The following TAOK3 variants were observed in gnomAD, a reference collection of about 807,000 sequenced individuals.
TAOK3 encodes serine/threonine-protein kinase TAO3.
Under a neutral mutation model 120.4 loss-of-function variants are expected in TAOK3, and 40 were observed. The ratio of observed to expected loss-of-function variants is 0.33; its 90% CI spans 0.26 to 0.43. The LOEUF (loss-of-function observed/expected upper bound fraction) is 0.43. Ranked by LOEUF, TAOK3 falls within the 20% of genes least tolerant of loss-of-function variation. TAOK3 has a pLI of 1.00. For synonymous variants in TAOK3, 355 were observed against 387.5 expected, an observed-to-expected ratio of 0.92 and a Z score of 0.99; for missense variants, 821 against 1,112.1, an observed-to-expected ratio of 0.74 and a Z score of 3.72.
At chr12:118,212,475 A>G (rs188387620) in intron 11 of TAOK3, among the ~76,000 whole-genome samples, 4 of 152,346 alleles carry the variant, frequency 2.6e-5, no homozygotes, top group Non-Finnish European at 5.9e-5. Flanking sequence ...TGTCTACTCT[A>G]TATAGTTATC....
At position 118,150,003 on chromosome 12, in the gene TAOK3, G is replaced by A. The variant is rs1450013314; in HGVS notation, c.*994C>T. On this transcript the variant is annotated 3_prime_UTR_variant, in exon 21 of 21. Transcript: ENST00000392533. ...TGCAATATTTATGACCAAGAAATGGGACTTAGGAAGGGGAAGGGAGATAAA... is the reference window on the plus strand; with the variant it reads ...TGCAATATTTATGACCAAGAAATGGAACTTAGGAAGGGGAAGGGAGATAAA... 1 of 152,066 alleles carries A rather than the reference G, an allele frequency of 6.6e-6. No individual in the cohort carries two copies. The highest frequency in any genetic ancestry group is 6.6e-5 in the Admixed American group (1 of 15,242). The allele number at this position is 152,066 out of a possible 1,614,324, so 9.4% of individuals were successfully genotyped here. A position where few individuals can be genotyped will look rare whatever the true frequency, so the allele number is the denominator to read the frequency against.
intron 1 of TAOK3, among the ~76,000 whole-genome samples, chr12:118,276,728 G>A (rs2041916850): frequency 6.7e-6 from 1 of 149,676 alleles, no homozygotes; most frequent in Non-Finnish European, 1.5e-5. Flanking sequence ...TAATAGGCTG[G>A]GTGCAGTGGC....
intron 2 of TAOK3, among the ~76,000 whole-genome samples, chr12:118,263,871 G>T (rs2041333635): frequency 6.6e-6 from 1 of 152,174 alleles, no homozygotes; most frequent in Non-Finnish European, 1.5e-5. Flanking sequence ...TTCAAGACCA[G>T]CCTGGCCAAC....
At chr12:118,298,889 T>C (rs1387519405) in intron 1 of TAOK3, among the ~76,000 whole-genome samples, 5 of 152,252 alleles carry the variant, frequency 3.3e-5, no homozygotes, top group Non-Finnish European at 4.4e-5. Flanking sequence ...GATCACCTTA[T>C]ATTCAGGCAG....
At chr12:118,311,161 A>G (rs1260009649) in intron 1 of TAOK3, among the ~76,000 whole-genome samples, 3 of 152,218 alleles carry the variant, frequency 2.0e-5, no homozygotes, top group Non-Finnish European at 4.4e-5. Context: ...ATAAAGGCAC[A>G]AAGAATTCAC....
At chr12:118,206,140 G>C (rs2038296593) in intron 11 of TAOK3, among the ~76,000 whole-genome samples, 1 of 152,128 alleles carries the variant, frequency 6.6e-6, no homozygotes, top group Non-Finnish European at 1.5e-5. Context: ...TTCCTGCCTG[G>C]AATGAAAACT....
chr12:118,293,122 G>A (rs1287647955), intron 1 of TAOK3, among the ~76,000 whole-genome samples: 1 of 152,172 alleles, frequency 6.6e-6, no homozygotes, highest in Non-Finnish European at 1.5e-5. Flanking sequence ...TTCTCTCACA[G>A]GAACTGGAGA....
intron 9 of TAOK3, among the ~76,000 whole-genome samples, chr12:118,215,453 A>G (rs1179129328): frequency 6.6e-6 from 1 of 151,812 alleles, no homozygotes; most frequent in Non-Finnish European, 1.5e-5. Context: ...CAGAGCTTGC[A>G]GTAAGCCAAG....
intron 9 of TAOK3, among the ~76,000 whole-genome samples, chr12:118,220,072 AT>A (rs1176846033): frequency 4.0e-5 from 6 of 148,368 alleles, no homozygotes; most frequent in African/African-American, 7.5e-5. Context: ...TGCTTGGCTA[AT>A]TTTTTTAAGG....
intron 19 of TAOK3, among the ~76,000 whole-genome samples, chr12:118,157,095 T>C (rs1366079978): frequency 1.3e-5 from 2 of 152,080 alleles, no homozygotes; most frequent in African/African-American, 4.8e-5. Flanking sequence ...AACACTGGAC[T>C]CTCCACATCC....
At chr12:118,290,796 T>C (rs1311500584) in intron 1 of TAOK3, among the ~76,000 whole-genome samples, 1 of 151,868 alleles carries the variant, frequency 6.6e-6, no homozygotes, top group African/African-American at 2.4e-5. Flanking sequence ...ATCCTATTTA[T>C]ATCGCCACTA....
intron 4 of TAOK3, among the ~76,000 whole-genome samples, chr12:118,243,838 A>C (rs961051376): frequency 6.6e-6 from 1 of 151,928 alleles, no homozygotes; most frequent in Admixed American, 6.6e-5. Context: ...CACCAGACCA[A>C]ACTAATTTTT....
chr12:118,348,567 C>T (rs574860410), intron 1 of TAOK3, among the ~76,000 whole-genome samples: 2 of 151,958 alleles, frequency 1.3e-5, no homozygotes, highest in African/African-American at 4.8e-5. Flanking sequence ...TCTCCTGCCT[C>T]AACTACCCGA....
chr12:118,189,582 G>GC (rs2037306878), intron 14 of TAOK3, among the ~76,000 whole-genome samples: 3 of 140,636 alleles, frequency 2.1e-5, no homozygotes, highest in African/African-American at 8.0e-5. Flanking sequence ...ACACACAAAG[G>GC]TTTTTTTTTT....
At chr12:118,264,913 A>C (rs975376339) in intron 2 of TAOK3, among the ~76,000 whole-genome samples, 1 of 151,602 alleles carries the variant, frequency 6.6e-6, no homozygotes, top group Non-Finnish European at 1.5e-5. Flanking sequence ...GCATGCCTGT[A>C]ATCCCAGCTA....
At chr12:118,197,847 C>A (rs1294506968) in intron 13 of TAOK3, among the ~76,000 whole-genome samples, 1 of 151,930 alleles carries the variant, frequency 6.6e-6, no homozygotes, top group African/African-American at 2.4e-5. Context: ...ACCACCACAC[C>A]CGGCTAATTT....
intron 1 of TAOK3, among the ~76,000 whole-genome samples, chr12:118,337,917 G>A (rs934767223): frequency 9.2e-5 from 14 of 152,132 alleles, no homozygotes; most frequent in Non-Finnish European, 1.6e-4. Context: ...ATCTGAACAA[G>A]GATGGGGAAC....
At chr12:118,300,540 G>T (rs2042839780) in intron 1 of TAOK3, among the ~76,000 whole-genome samples, 1 of 152,018 alleles carries the variant, frequency 6.6e-6, no homozygotes, top group African/African-American at 2.4e-5. Flanking sequence ...TGAACTCAGG[G>T]CAAGTTTTCT....
chr12:118,319,483 C>G (rs2043611120), intron 1 of TAOK3, among the ~76,000 whole-genome samples: 1 of 151,576 alleles, frequency 6.6e-6, no homozygotes, highest in Admixed American at 6.6e-5. Flanking sequence ...AACTTAACAA[C>G]AAAAAGACAA....
Sources: allele counts gnomAD v4.1 joint callset (sites outside exome capture counted in the v4.1 genomes callset), GRCh38; gene constraint gnomAD v4.1.1; transcripts MANE v1.5; gene names NCBI Gene and HGNC (gene_info 2026-07-23, HGNC 2026-07-21).